The following ATXN1 variants were observed in gnomAD, a reference collection of about 807,000 sequenced individuals.
ATXN1 encodes the protein ataxin-1.
In ATXN1, 8 loss-of-function variants were observed where a neutral mutation model predicts 56.4. The observed-to-expected ratio is 0.14, with a 90% CI of 0.08 to 0.26. The LOEUF is 0.26. ATXN1 is among the 10% of genes least tolerant of loss of function. ATXN1 has a pLI of 1.00. For missense variants in ATXN1, 987 were observed against 1,106.5 expected (o/e 0.89, Z 1.53); for synonymous variants, 514 against 494.6 (o/e 1.04, Z -0.52).
chr6:16,508,225 T>C (rs1309357850), intron 5 of ATXN1, among the ~76,000 whole-genome samples: 1 of 152,178 alleles, frequency 6.6e-6, no homozygotes, highest in African/African-American at 2.4e-5. Flanking sequence ...TGACCTGCCA[T>C]GTAGTTCAAA....
intron 2 of ATXN1, among the ~76,000 whole-genome samples, chr6:16,726,241 G>T (rs138803849): frequency 3.3e-5 from 5 of 151,892 alleles, no homozygotes; most frequent in African/African-American, 1.2e-4. Context: ...TTAGCTGGGC[G>T]TGGTGGCGTG....
intron 2 of ATXN1, among the ~76,000 whole-genome samples, chr6:16,688,556 A>G (rs1026919688): frequency 6.6e-6 from 1 of 152,196 alleles, no homozygotes; most frequent in Admixed American, 6.5e-5. Flanking sequence ...CCTGCTTAAC[A>G]CTATAGGTTG....
intron 3 of ATXN1, among the ~76,000 whole-genome samples, chr6:16,611,083 C>T (rs764096749): frequency 3.3e-5 from 5 of 151,778 alleles, no homozygotes; most frequent in Non-Finnish European, 5.9e-5. Context: ...AACTGAATAT[C>T]GTTATAAAAA....
At chr6:16,664,396 G>T (rs1051258238) in intron 2 of ATXN1, among the ~76,000 whole-genome samples, 2 of 152,118 alleles carry the variant, frequency 1.3e-5, no homozygotes, top group Admixed American at 6.5e-5. Flanking sequence ...TTTGTTAACG[G>T]AAAGAGGGCA....
At chr6:16,638,282 A>C (rs1286760050) in intron 3 of ATXN1, among the ~76,000 whole-genome samples, 1 of 84,018 alleles carries the variant, frequency 1.2e-5, no homozygotes, top group Non-Finnish European at 2.5e-5. Context: ...CCATCTCTAC[A>C]AAAAAATACA....
intron 6 of ATXN1, among the ~76,000 whole-genome samples, chr6:16,443,221 A>AC (rs1759555856): frequency 1.3e-5 from 2 of 151,050 alleles, no homozygotes; most frequent in African/African-American, 2.4e-5. Context: ...AAAAAAAAAA[A>AC]AAAAAAAAAA....
chr6:16,452,626 T>G (rs1278465747), intron 6 of ATXN1, among the ~76,000 whole-genome samples: 1 of 152,214 alleles, frequency 6.6e-6, no homozygotes, highest in Non-Finnish European at 1.5e-5. Flanking sequence ...CCACTCTCAC[T>G]GGTGTGAGAT....
At chr6:16,683,946 A>G (rs1370206932) in intron 2 of ATXN1, among the ~76,000 whole-genome samples, 1 of 152,188 alleles carries the variant, frequency 6.6e-6, no homozygotes, top group African/African-American at 2.4e-5. Context: ...TTCATGGTTC[A>G]CGGTTCTTCT....
At chr6:16,668,788 T>TTTTTA (rs536751577) in intron 2 of ATXN1, among the ~76,000 whole-genome samples, 6 of 151,774 alleles carry the variant, frequency 4.0e-5, no homozygotes, top group Admixed American at 1.3e-4. Context: ...TTTATTTTAT[T>TTTTTA]TTTTATTTTA....
intron 6 of ATXN1, among the ~76,000 whole-genome samples, chr6:16,387,545 C>T (rs937377933): frequency 1.3e-5 from 2 of 152,128 alleles, no homozygotes; most frequent in Non-Finnish European, 2.9e-5. Context: ...GGAGTGGGGC[C>T]ATTCTGAATC....
At chr6:16,577,186 A>C (rs1281459569) in intron 4 of ATXN1, among the ~76,000 whole-genome samples, 1 of 152,162 alleles carries the variant, frequency 6.6e-6, no homozygotes, top group Non-Finnish European at 1.5e-5. Context: ...TTCTGCTTTA[A>C]TGTTGTTATT....
At chr6:16,432,741 A>C (rs1759312349) in intron 6 of ATXN1, 2 of 151,240 alleles carry the variant, frequency 1.3e-5, no homozygotes. Flanking sequence ...GATCTAGAAG[A>C]AGCAGAGACA....
At chr6:16,418,131 T>A (rs1445577190) in intron 6 of ATXN1, among the ~76,000 whole-genome samples, 1 of 152,200 alleles carries the variant, frequency 6.6e-6, no homozygotes, top group Non-Finnish European at 1.5e-5. Context: ...CGAAAAGATA[T>A]TTGGCACATA....
At chr6:16,642,272 G>A (rs887909468) in intron 3 of ATXN1, among the ~76,000 whole-genome samples, 3 of 152,170 alleles carry the variant, frequency 2.0e-5, no homozygotes, top group Non-Finnish European at 4.4e-5. Flanking sequence ...GTGCGCACCT[G>A]TAGTCCCAGC....
intron 4 of ATXN1, among the ~76,000 whole-genome samples, chr6:16,526,819 T>C (rs1294432535): frequency 2.7e-5 from 4 of 150,864 alleles, no homozygotes; most frequent in South Asian, 4.2e-4. Context: ...GAAAAAGGAC[T>C]CAATTTTAAA....
In ATXN1 at chr6:16,616,426, G is replaced by A. The variant is rs148114246; in HGVS notation, c.-488-30519C>T. 7.2e-3 allele frequency among the ~76,000 whole-genome samples: 1,096 copies of A among 151,656 alleles called. 9 individuals carry two copies. The highest frequency in any genetic ancestry group is 0.026 in the African/African-American group (1,055 of 41,330). On this transcript the variant is annotated intron_variant, in intron 3 of 7. Transcript: ENST00000436367. ...GTGGTGGTACACACCTGTAATCCCAGATACTTGGGAGGCTGAGACAGAAGA... is the reference window on the plus strand; with the variant it reads ...GTGGTGGTACACACCTGTAATCCCAAATACTTGGGAGGCTGAGACAGAAGA...
intron 2 of ATXN1, among the ~76,000 whole-genome samples, chr6:16,663,131 C>T (rs1233543357): frequency 6.6e-6 from 1 of 151,930 alleles, no homozygotes; most frequent in Non-Finnish European, 1.5e-5. Context: ...CACCACCATG[C>T]CTGGCTAATT....
chr6:16,631,639 C>A (rs1010354220), intron 3 of ATXN1, among the ~76,000 whole-genome samples: 1 of 152,146 alleles, frequency 6.6e-6, no homozygotes, highest in African/African-American at 2.4e-5. Context: ...GGTTTTATGA[C>A]CCACACTTCT....
chr6:16,620,665 T>A (rs1763304306), intron 3 of ATXN1, among the ~76,000 whole-genome samples: 1 of 152,200 alleles, frequency 6.6e-6, no homozygotes, highest in African/African-American at 2.4e-5. Context: ...AGGTTGTTGA[T>A]CATCAGTTGG....
Sources: allele counts gnomAD v4.1 joint callset (sites outside exome capture counted in the v4.1 genomes callset), GRCh38; gene constraint gnomAD v4.1.1; transcripts MANE v1.5; gene names NCBI Gene and HGNC (gene_info 2026-07-23, HGNC 2026-07-21).